The following ALKBH1 variants were observed in gnomAD, a reference collection of about 807,000 sequenced individuals.
The protein encoded by ALKBH1 is nucleic acid dioxygenase ALKBH1.
In ALKBH1, 31 loss-of-function variants were observed where a neutral mutation model predicts 36.6. The observed-to-expected ratio is 0.85, with a 90% CI of 0.64 to 1.14. ALKBH1 has a LOEUF of 1.14. Among genes scored for constraint, ALKBH1 ranks in the 50% most tolerant of loss-of-function variants. The pLI, the probability that ALKBH1 is intolerant of heterozygous loss-of-function variation, is 0.00. For missense variants in ALKBH1, 490 were observed against 497.3 expected, an observed-to-expected ratio of 0.99 and a Z score of 0.14; for synonymous variants, 183 against 186.6, an observed-to-expected ratio of 0.98 and a Z score of 0.16.
At chr14:77,694,357 T>A (rs1427983471) in intron 3 of ALKBH1, among the ~76,000 whole-genome samples, 1 of 152,164 alleles carries the variant, frequency 6.6e-6, no homozygotes, top group South Asian at 2.1e-4. Context: ...ACTGAATCCA[T>A]CTAGGAGGGT....
intron 1 of ALKBH1, among the ~76,000 whole-genome samples, chr14:77,707,212 G>A (rs1292644415): frequency 1.3e-5 from 2 of 152,296 alleles, no homozygotes; most frequent in Admixed American, 6.5e-5. Context: ...TCCGAAGTGC[G>A]GGATTACAGG....
intron 2 of ALKBH1, among the ~76,000 whole-genome samples, chr14:77,696,431 T>C (rs1339646668): frequency 6.6e-6 from 1 of 152,156 alleles, no homozygotes; most frequent in Non-Finnish European, 1.5e-5. Flanking sequence ...TTCTTAAGAA[T>C]TAGAGGTCAG....
chr14:77,685,749 T>C (rs771217671), intron 3 of ALKBH1, among the ~76,000 whole-genome samples: 9 of 151,550 alleles, frequency 5.9e-5, no homozygotes, highest in Admixed American at 3.3e-4. Flanking sequence ...GCCTGGGCAA[T>C]AGAGTGAGAC....
chr14:77,684,830 G>A (rs192923914), intron 3 of ALKBH1, among the ~76,000 whole-genome samples: 2 of 152,180 alleles, frequency 1.3e-5, no homozygotes, highest in Admixed American at 6.5e-5. Context: ...CTACAGACAT[G>A]AGCCACCATG....
chr14:77,680,354 T>C (rs1158383131), intron 3 of ALKBH1, among the ~76,000 whole-genome samples: 4 of 152,210 alleles, frequency 2.6e-5, no homozygotes, highest in African/African-American at 9.7e-5. Context: ...TTCAGTTTGG[T>C]TTGCTAAAAG....
chr14:77,677,653 G>T (rs1451386819), intron 4 of ALKBH1, among the ~76,000 whole-genome samples: 1 of 152,170 alleles, frequency 6.6e-6, no homozygotes, highest in Admixed American at 6.5e-5. Flanking sequence ...TTTAACTTCA[G>T]GTGTAAGGAA....
intron 3 of ALKBH1, chr14:77,683,168 TTTTA>T (rs1454873509): frequency 1.5e-5 from 7 of 471,900 alleles, no homozygotes; most frequent in African/African-American, 4.6e-5. Flanking sequence ...TTTTTTTTTT[TTTTA>T]CAAACAGTCC....
chr14:77,675,137 A>G (rs1002077646), intron 5 of ALKBH1, among the ~76,000 whole-genome samples: 2 of 152,230 alleles, frequency 1.3e-5, no homozygotes, highest in African/African-American at 4.8e-5. Flanking sequence ...CTTTCATTAT[A>G]AAAGGTAGGT....
intron 2 of ALKBH1, among the ~76,000 whole-genome samples, chr14:77,700,344 A>T (rs2080352713): frequency 6.6e-6 from 1 of 152,216 alleles, no homozygotes; most frequent in South Asian, 2.1e-4. Context: ...CAGGTTCCTC[A>T]TTGCAGTTGA....
At position 77,673,969 on chromosome 14, in the gene ALKBH1, C is replaced by A. The variant is rs746256948; in HGVS notation, c.1013G>T (p.Arg338Leu). ...GACCTGTCGGACAGTCATGTTAACA[C>A]GAGCGGTCTTCAAGTAGCTGGCACA... ...QVCASYLKTA[R>L]VNMTVRQVLA... The change falls in exon 6 of 6, where the codon CGT becomes CTT. Residue 338 changes from arginine (R) to leucine (L), a missense_variant. Arg to Leu is a moderately radical substitution (Grantham distance 102). Transcript: ENST00000216489. 2 of 1,614,126 alleles carry A rather than the reference C, an allele frequency of 1.2e-6. No homozygotes were observed. Among genetic ancestry groups the A allele is most frequent in the Non-Finnish European group, 1.7e-6 (2 of 1,180,036 alleles).
chr14:77,688,850 G>A (rs1329265782), intron 3 of ALKBH1, among the ~76,000 whole-genome samples: 1 of 152,154 alleles, frequency 6.6e-6, no homozygotes, highest in African/African-American at 2.4e-5. Flanking sequence ...GGGATTATAG[G>A]TGTGAGCCAC....
Position 77,673,478 on chromosome 14 carries a change from T to C in ALKBH1, c.*334A>G. ...ATTAATAAAATCTGAGGTATTTAAATACTCTGCAAACATGGAAACTCACTT... is the reference window on the plus strand; with the variant it reads ...ATTAATAAAATCTGAGGTATTTAAACACTCTGCAAACATGGAAACTCACTT... On this transcript the variant is annotated 3_prime_UTR_variant, in exon 6 of 6. Transcript: ENST00000216489. 1 of 252,976 alleles carries C rather than the reference T, an allele frequency of 4.0e-6. No homozygotes were observed. The highest frequency in any genetic ancestry group is 7.0e-5 in the South Asian group (1 of 14,212). The allele number at this position is 252,976 out of a possible 1,614,324, so 15.7% of individuals were successfully genotyped here. A position where few individuals can be genotyped will look rare whatever the true frequency, so the allele number is the denominator to read the frequency against.
Position 77,689,336 on chromosome 14 carries a change from C to T in ALKBH1, c.455+5402G>A, listed in dbSNP as rs548316403. Among the ~76,000 whole-genome samples the T allele has an allele frequency of 1.2e-4, 18 of 152,274 alleles. No homozygotes were observed. The South Asian group carries it at 3.7e-3, about 32-fold the overall frequency. The stretch of plus-strand genomic sequence containing the variant: ...AATTCCTTATTTAAGTACCTGGGTT[C>T]CTCCTTTAACAGTCCCTCCCTCACT... On this transcript the variant is annotated intron_variant, in intron 3 of 5. Coordinates refer to ENST00000216489, the MANE Select transcript of ALKBH1 (RefSeq NM_006020.3).
chr14:77,705,926 G>A (rs891587772), intron 1 of ALKBH1, among the ~76,000 whole-genome samples: 6 of 152,028 alleles, frequency 3.9e-5, no homozygotes, highest in Admixed American at 6.6e-5. Flanking sequence ...ATGGTGGCGC[G>A]TGCCTGTAGT....
rs541968096 is a variant in ALKBH1 at position 77,677,905 on chromosome 14, G to A, written c.546+1975C>T. On this transcript the variant is annotated intron_variant, in intron 4 of 5. Transcript: ENST00000216489. ...TATAATGAAATAATCACCCTTTTGG[G>A]CTTTCAACCCTGTCCAAACTGTCTC... Among the ~76,000 whole-genome samples, 16 of 151,920 alleles carry A rather than the reference G, an allele frequency of 1.1e-4. No individual in the cohort carries two copies. The East Asian group carries it at 2.1e-3, about 20-fold the overall frequency.
rs1284495748 is a variant in ALKBH1 at position 77,685,412 on chromosome 14, G to C, written c.456-5442C>G. Among the ~76,000 whole-genome samples the C allele has an allele frequency of 2.0e-5, 3 of 149,574 alleles. No homozygotes were observed. In the East Asian group the frequency reaches 5.9e-4, roughly 29 times the overall value. On this transcript the variant is annotated intron_variant, in intron 3 of 5. Coordinates refer to ENST00000216489, the MANE Select transcript of ALKBH1 (RefSeq NM_006020.3). Reference sequence around the variant, plus strand: ...AGATCATGCCACTGCACTCCAGCCTGGGCGACAGAGTGAGACTCCGTCTTA... The same window carrying C: ...AGATCATGCCACTGCACTCCAGCCTCGGCGACAGAGTGAGACTCCGTCTTA...
At chr14:77,684,832 G>A (rs1268500573) in intron 3 of ALKBH1, among the ~76,000 whole-genome samples, 1 of 152,066 alleles carries the variant, frequency 6.6e-6, no homozygotes, top group East Asian at 1.9e-4. Context: ...ACAGACATGA[G>A]CCACCATGCC....
At chr14:77,686,804 A>G (rs1390693566) in intron 3 of ALKBH1, among the ~76,000 whole-genome samples, 2 of 152,110 alleles carry the variant, frequency 1.3e-5, no homozygotes, top group African/African-American at 2.4e-5. Flanking sequence ...TTGTATTTTT[A>G]GTAGAGATGG....
chr14:77,704,651 C>T (rs950011235), intron 1 of ALKBH1, among the ~76,000 whole-genome samples, 174 bp from the exon 2 acceptor site: 1 of 152,206 alleles, frequency 6.6e-6, no homozygotes, highest in Non-Finnish European at 1.5e-5. Context: ...TAGTTCACTG[C>T]AGCCTCAAGC....
Sources: allele counts gnomAD v4.1 joint callset (sites outside exome capture counted in the v4.1 genomes callset), GRCh38; gene constraint gnomAD v4.1.1; transcripts MANE v1.5; gene names NCBI Gene and HGNC (gene_info 2026-07-23, HGNC 2026-07-21).